The following ZFYVE26 variants were observed in gnomAD, a reference collection of about 807,000 sequenced individuals.
The protein encoded by ZFYVE26 is zinc finger FYVE-type containing 26, also known as zinc finger FYVE domain-containing protein 26.
Under a neutral mutation model 276.5 loss-of-function variants are expected in ZFYVE26, and 181 were observed. The observed-to-expected ratio is 0.65, with a 90% CI of 0.58 to 0.74. The LOEUF is 0.74. Ranked by LOEUF, ZFYVE26 falls within the 30% of genes least tolerant of loss-of-function variation. The probability of loss-of-function intolerance (pLI) is 0.00; values close to 1 mark genes in which losing one functional copy is unlikely to be tolerated. For synonymous variants in ZFYVE26, 1,129 were observed against 1,203.1 expected (o/e 0.94, Z 1.27); for missense variants, 2,821 against 3,097.9 (o/e 0.91, Z 2.12).
At chr14:67,763,585 C>A (rs184472575) in intron 32 of ZFYVE26, among the ~76,000 whole-genome samples, 9 of 152,320 alleles carry the variant, frequency 5.9e-5, no homozygotes, top group Admixed American at 4.6e-4. Flanking sequence ...GAAGGCTATA[C>A]CCTCTGGGTT....
In ZFYVE26 at chr14:67,790,771, C is replaced by T. The variant is rs775588697; in HGVS notation, c.2556G>A (p.Val852=). The T allele has an allele frequency of 5.6e-6, 9 of 1,613,938 alleles. No homozygotes were observed. The highest frequency in any genetic ancestry group is 7.6e-6 in the Non-Finnish European group (9 of 1,179,886). Residue 852 remains valine (V), a splice_region_variant and synonymous_variant, in exon 15 of 42, where the codon GTG becomes GTA. Transcript: ENST00000347230. ...LRGNFAEAHQ[V]LFTFNLKSSP... ...AGGACTTCAGGTTGAACGTGAACAGCACCTGTCATAGGAGAGGGAGTGTGT... is the reference window on the plus strand; with the variant it reads ...AGGACTTCAGGTTGAACGTGAACAGTACCTGTCATAGGAGAGGGAGTGTGT...
intron 13 of ZFYVE26, chr14:67,735,064 G>A (rs2038335919): frequency 1.4e-6 from 1 of 696,112 alleles, no homozygotes. Flanking sequence ...ACAACCAACA[G>A]CAAATGACAC....
rs775283057 is a variant in ZFYVE26 at position 67,748,245 on chromosome 14, A to G, written c.*191T>C. The G allele has an allele frequency of 4.6e-5, 29 of 635,414 alleles. No individual in the cohort carries two copies. Among genetic ancestry groups the G allele is most frequent in the Non-Finnish European group, 6.2e-5 (23 of 369,302 alleles). The allele number at this position is 635,414 out of a possible 1,614,324, so 39.4% of individuals were successfully genotyped here. ...AAACACACATAGATTCCACAATTTTAGAGAAACATGGCACTTGCGTGAAAG... is the reference window on the plus strand; with the variant it reads ...AAACACACATAGATTCCACAATTTTGGAGAAACATGGCACTTGCGTGAAAG... On this transcript the variant is annotated 3_prime_UTR_variant, in exon 42 of 42. Transcript: ENST00000347230.
intron 29 of ZFYVE26, 95 bp from the exon 30 acceptor site, chr14:67,768,643 G>C (rs910204504): frequency 3.1e-5 from 36 of 1,176,078 alleles, no homozygotes; most frequent in Non-Finnish European, 4.5e-5. Context: ...TGTCTCCCTG[G>C]TACAATGGAG....
At chr14:67,772,735 A>T (rs1342918882) in intron 27 of ZFYVE26, among the ~76,000 whole-genome samples, 2 of 152,004 alleles carry the variant, frequency 1.3e-5, no homozygotes, top group African/African-American at 4.8e-5. Flanking sequence ...AGGAGTTCAA[A>T]ACCAGCCTGG....
At chr14:67,775,743 G>A in intron 26 of ZFYVE26, 117 bp downstream of exon 26, 1 of 1,417,328 alleles carries the variant, frequency 7.1e-7, no homozygotes, top group Non-Finnish European at 9.9e-7. Flanking sequence ...CTTCTGAAGT[G>A]TATTCATTCA....
At chr14:67,794,063 T>G in intron 13 of ZFYVE26, 108 bp downstream of exon 13, 1 of 1,293,144 alleles carries the variant, frequency 7.7e-7, no homozygotes. Context: ...TCTGCCAACC[T>G]TGAATAACAA....
chr14:67,762,962 G>A, intron 32 of ZFYVE26, 143 bp from the exon 33 acceptor site: 6 of 1,184,672 alleles, frequency 5.1e-6, no homozygotes, highest in Non-Finnish European at 7.2e-6. Flanking sequence ...GAGTGCAGTG[G>A]TCCGATCTCG....
chr14:67,762,260 C>T lies in ZFYVE26; in HGVS notation c.6312G>A (p.Arg2104=). The change falls in exon 34 of 42, where the codon AGG becomes AGA. Residue 2104 remains arginine (R), a synonymous_variant. Transcript: ENST00000347230. ...FDLNQLNHGS[R]LVQDVVEYLE... is the part of the protein sequence containing the mutation. ...GGTACTCAACCACATCCTGCACCAG[C>T]CTTGAGCCATGATTCAGCTGATTGA... 2.5e-6 allele frequency: 4 copies of T among 1,614,162 alleles called. No homozygotes were observed. The highest frequency in any genetic ancestry group is 3.4e-6 in the Non-Finnish European group (4 of 1,180,024).
intron 10 of ZFYVE26, chr14:67,798,978 G>T: frequency 8.9e-7 from 1 of 1,125,714 alleles, no homozygotes. Flanking sequence ...GAGGGGCGGG[G>T]GTGATTTACG....
At position 67,785,004 on chromosome 14, in the gene ZFYVE26, G is replaced by T; in HGVS notation, c.3523+55C>A. On this transcript the variant is annotated intron_variant, in intron 19 of 41. Coordinates refer to ENST00000347230, the MANE Select transcript of ZFYVE26 (RefSeq NM_015346.4). ...CAATTGTGCATCTTTTCTCTTCCTTGCCCTGAACACTTGCAGGTCTGCCAT... is the reference window on the plus strand; with the variant it reads ...CAATTGTGCATCTTTTCTCTTCCTTTCCCTGAACACTTGCAGGTCTGCCAT... The T allele has an allele frequency of 1.9e-6, 3 of 1,571,364 alleles. No individual in the cohort carries two copies. In the South Asian group the frequency reaches 3.3e-5, roughly 18 times the overall value.
chr14:67,788,314 G>T lies in ZFYVE26; in HGVS notation c.3019+1021C>A, dbSNP rs548605831. ...TGAGGCAGGAGAATCGCTTGAACCC[G>T]GGAGGTGGAAGTTGCAGTGAGCAGT... On this transcript the variant is annotated intron_variant, in intron 16 of 41. Coordinates refer to ENST00000347230, the MANE Select transcript of ZFYVE26 (RefSeq NM_015346.4). Among the ~76,000 whole-genome samples the T allele has an allele frequency of 5.9e-5, 9 of 152,294 alleles. No individual in the cohort carries two copies. The South Asian group carries it at 1.7e-3, about 28-fold the overall frequency.
At chr14:67,761,930 T>TAATCAG (rs2038941437) in intron 34 of ZFYVE26, 1 of 560,250 alleles carries the variant, frequency 1.8e-6, no homozygotes, top group Admixed American at 3.1e-5. Flanking sequence ...ATTTTAACAC[T>TAATCAG]AATCAGTCTG....
In ZFYVE26 at chr14:67,775,984, C is replaced by T. The variant is rs781146107; in HGVS notation, c.5097G>A (p.Gln1699=). 2.5e-6 allele frequency: 4 copies of T among 1,614,084 alleles called. No homozygotes were observed. The Admixed American group carries it at 6.7e-5, about 27-fold the overall frequency. ...MKVDWATVAV[Q]TLQQLLVGQE... Reference sequence around the variant, plus strand: ...GTCCAACCAGCAGCTGCTGGAGAGTCTGCACAGCCACAGTGGCCCAATCCA... The same window carrying T: ...GTCCAACCAGCAGCTGCTGGAGAGTTTGCACAGCCACAGTGGCCCAATCCA... The change falls in exon 26 of 42, where the codon CAG becomes CAA. Residue 1699 remains glutamine (Q), a synonymous_variant. Coordinates refer to ENST00000347230, the MANE Select transcript of ZFYVE26 (RefSeq NM_015346.4).
In ZFYVE26 at chr14:67,756,008, G is replaced by T; in HGVS notation, c.6726C>A (p.Cys2242Ter). Residue 2242 changes from cysteine to a stop codon, truncating the protein, a stop_gained, in exon 36 of 42, where the codon TGC (cysteine) becomes TGA (stop). Coordinates refer to ENST00000347230, the MANE Select transcript of ZFYVE26 (RefSeq NM_015346.4). LOFTEE classifies it high-confidence loss of function. Reference protein sequence around the residue: ...ESWGKYLIAACQHLQKKNYYH... With the variant: ...ESWGKYLIAA ...AGTAGTTCTTCTTCTGTAAATGTTG[G>T]CAGGCAGCAATCAAGTACTTTCCCC... The T allele has an allele frequency of 6.2e-7, 1 of 1,614,194 alleles. No homozygotes were observed. Among genetic ancestry groups the T allele is most frequent in the Non-Finnish European group, 8.5e-7 (1 of 1,180,028 alleles).
Position 67,804,115 on chromosome 14 carries a change from G to A in ZFYVE26, c.1421C>T (p.Pro474Leu), listed in dbSNP as rs1016316701. ...KLLQKVPAKDPQQEPDAVDAP... is the reference protein window; with the variant it reads ...KLLQKVPAKDLQQEPDAVDAP... Reference sequence around the variant, plus strand: ...TCCCAACTCACCAGGCTCTTGCTGGGGGTCCTTGGCTGGCACTTTCTGTAA... The same window carrying A: ...TCCCAACTCACCAGGCTCTTGCTGGAGGTCCTTGGCTGGCACTTTCTGTAA... The change falls in exon 9 of 42, where the codon CCC (proline) becomes CTC (leucine). Residue 474 changes from proline to leucine, a missense_variant. Coordinates refer to ENST00000347230, the MANE Select transcript of ZFYVE26 (RefSeq NM_015346.4). 1 of 1,614,166 alleles carries A rather than the reference G, an allele frequency of 6.2e-7. No individual in the cohort carries two copies. The highest frequency in any genetic ancestry group is 1.3e-5 in the African/African-American group (1 of 75,050).
intron 8 of ZFYVE26, among the ~76,000 whole-genome samples, chr14:67,804,794 T>C (rs1038097605): frequency 6.6e-6 from 1 of 152,194 alleles, no homozygotes; most frequent in Non-Finnish European, 1.5e-5. Flanking sequence ...GTGGATGACA[T>C]TGTGAGCTGT....
At chr14:67,771,635 A>G (rs2140206709) in intron 28 of ZFYVE26, among the ~76,000 whole-genome samples, 1 of 152,320 alleles carries the variant, frequency 6.6e-6, no homozygotes, top group Non-Finnish European at 1.5e-5. Flanking sequence ...AGACCAAAAT[A>G]GTGTATAGTC....
chr14:67,735,828 C>G (rs1388927569), intron 13 of ZFYVE26, among the ~76,000 whole-genome samples: 1 of 152,140 alleles, frequency 6.6e-6, no homozygotes, highest in African/African-American at 2.4e-5. Context: ...CAATGGGAAA[C>G]TAAAGGAAAA....
Sources: allele counts gnomAD v4.1 joint callset (sites outside exome capture counted in the v4.1 genomes callset), GRCh38; gene constraint gnomAD v4.1.1; transcripts MANE v1.5; gene names NCBI Gene and HGNC (gene_info 2026-07-23, HGNC 2026-07-21).